PAQR4: variants seen among roughly 807,000 people sequenced by gnomAD.
PAQR4 encodes the protein progestin and adipoQ receptor family member IV.
In PAQR4, 26 loss-of-function variants were observed where a neutral mutation model predicts 20.9. That is an observed-to-expected ratio of 1.24 (90% CI 0.91 to 1.73). The LOEUF (loss-of-function observed/expected upper bound fraction) is 1.73. Among genes scored for constraint, PAQR4 ranks in the 40% most tolerant of loss-of-function variants. The pLI, the probability that PAQR4 is intolerant of heterozygous loss-of-function variation, is 0.00. For synonymous variants in PAQR4, 193 were observed against 171.6 expected (o/e 1.12, Z -0.97); for missense variants, 400 against 380.1 (o/e 1.05, Z -0.44).
Position 2,971,215 on chromosome 16 carries a change from G to A in PAQR4, c.225G>A (p.Leu75=), listed in dbSNP as rs1170543553. 22 of 1,613,252 alleles carry A rather than the reference G, an allele frequency of 1.4e-5. No homozygotes were observed. The South Asian group carries it at 1.8e-4, about 13-fold the overall frequency. ...LVPMTMPWGQ[L]GKDGWLGGTH... Reference sequence around the variant, plus strand: ...CAATGACCATGCCCTGGGGTCAGCTGGGCAAGGATGGCTGGCTGGGAGGCA... The same window carrying A: ...CAATGACCATGCCCTGGGGTCAGCTAGGCAAGGATGGCTGGCTGGGAGGCA... Residue 75 remains leucine, a synonymous_variant, in exon 2 of 3, where the codon CTG becomes CTA. Coordinates refer to ENST00000318782, the MANE Select transcript of PAQR4 (RefSeq NM_152341.5).
Position 2,972,711 on chromosome 16 carries a change from C to T in PAQR4, c.*763C>T, listed in dbSNP as rs891950497. 2.0e-5 allele frequency: 30 copies of T among 1,535,910 alleles called. No homozygotes were observed. The highest frequency in any genetic ancestry group is 1.7e-4 in the Middle Eastern group (1 of 6,006). On this transcript the variant is annotated 3_prime_UTR_variant, in exon 3 of 3. Transcript: ENST00000318782. ...TCAGCTGCTGGCCCAAGGCCAGGAG[C>T]GCTGGGTTCTGCAGCAGGGCTCAGC...
In PAQR4 at chr16:2,973,251, G is replaced by A. The variant is rs2072058742; in HGVS notation, c.*1303G>A. ...GCAGGCGAGACAAGGAGGGTGTCCAGGGCTAGGGAGTGCCGGATGAAACCA... is the reference window on the plus strand; with the variant it reads ...GCAGGCGAGACAAGGAGGGTGTCCAAGGCTAGGGAGTGCCGGATGAAACCA... On this transcript the variant is annotated 3_prime_UTR_variant, in exon 3 of 3. Transcript: ENST00000318782. 1 of 1,482,288 alleles carries A rather than the reference G, an allele frequency of 6.7e-7. No individual in the cohort carries two copies. Among genetic ancestry groups the A allele is most frequent in the Admixed American group, 2.5e-5 (1 of 39,810 alleles). The allele number at this position is 1,482,288 out of a possible 1,614,324, so 91.8% of individuals were successfully genotyped here.
chr16:2,971,645 G>T lies in PAQR4; in HGVS notation c.519G>T (p.Arg173=), dbSNP rs1421619601. 6.2e-7 allele frequency: 1 copy of T among 1,609,198 alleles called. No homozygotes were observed. Among genetic ancestry groups the T allele is most frequent in the Non-Finnish European group, 8.5e-7 (1 of 1,179,880 alleles). Residue 173 remains arginine (R), a synonymous_variant, in exon 3 of 3, where the codon CGG becomes CGT. Coordinates refer to ENST00000318782, the MANE Select transcript of PAQR4 (RefSeq NM_152341.5). The part of the protein sequence containing the change: ...RALTAPSTSA[R]LRAFGWQAAA... ...TCACCGCCCCCTCCACCAGTGCTCGGCTCCGGGCATTTGGATGGCAGGCTG... is the reference window on the plus strand; with the variant it reads ...TCACCGCCCCCTCCACCAGTGCTCGTCTCCGGGCATTTGGATGGCAGGCTG...
chr16:2,970,820 G>T (rs1007331862), intron 1 of PAQR4, among the ~76,000 whole-genome samples: 12 of 152,250 alleles, frequency 7.9e-5, no homozygotes, highest in Non-Finnish European at 7.3e-5. Flanking sequence ...CTGCTTGTAT[G>T]GGGAGAGCAG....
Position 2,971,678 on chromosome 16 carries a change from C to T in PAQR4, c.552C>T (p.Arg184=). The change falls in exon 3 of 3, where the codon CGC becomes CGT. Residue 184 remains arginine, a synonymous_variant. Coordinates refer to ENST00000318782, the MANE Select transcript of PAQR4 (RefSeq NM_152341.5). ...CATTTGGATGGCAGGCTGCTGCCCG[C>T]CTACTGGTATTTGGGGCCCGGGGAG... is the stretch of plus-strand genomic sequence containing the variant. ...LRAFGWQAAA[R]LLVFGARGVG... 2 of 1,611,840 alleles carry T rather than the reference C, an allele frequency of 1.2e-6. No homozygotes were observed. The highest frequency in any genetic ancestry group is 1.7e-6 in the Non-Finnish European group (2 of 1,179,864).
In PAQR4 at chr16:2,972,846, C is replaced by G. The variant is rs372084213; in HGVS notation, c.*898C>G. 7 of 1,532,324 alleles carry G rather than the reference C, an allele frequency of 4.6e-6. No individual in the cohort carries two copies. Among genetic ancestry groups the G allele is most frequent in the Non-Finnish European group, 6.2e-6 (7 of 1,133,958 alleles). 94.9% of individuals were successfully genotyped at this position (1,532,324 alleles called of 1,614,324 possible). ...AGGTTCAAATACTTTTTATTAGACA[C>G]GGCCAGGCAGAGAAGACCATGGGAG... On this transcript the variant is annotated 3_prime_UTR_variant, in exon 3 of 3. Coordinates refer to ENST00000318782, the MANE Select transcript of PAQR4 (RefSeq NM_152341.5).
rs929846559 is a variant in PAQR4, at chr16:2,972,780, G to A, written c.*832G>A. On this transcript the variant is annotated 3_prime_UTR_variant, in exon 3 of 3. Coordinates refer to ENST00000318782, the MANE Select transcript of PAQR4 (RefSeq NM_152341.5). ...CTGGATGACATCAATAAAGGGACAGGAAGGGCCATGTTGCCACATGAGCAA... is the reference window on the plus strand; with the variant it reads ...CTGGATGACATCAATAAAGGGACAGAAAGGGCCATGTTGCCACATGAGCAA... 1.3e-5 allele frequency: 20 copies of A among 1,540,310 alleles called. No homozygotes were observed. The highest frequency in any genetic ancestry group is 2.0e-5 in the Admixed American group (1 of 50,794).
Position 2,972,711 on chromosome 16 carries a change from C to A in PAQR4, c.*763C>A. 1 of 1,536,028 alleles carries A rather than the reference C, an allele frequency of 6.5e-7. No homozygotes were observed. The highest frequency in any genetic ancestry group is 8.7e-7 in the Non-Finnish European group (1 of 1,146,848). ...TCAGCTGCTGGCCCAAGGCCAGGAG[C>A]GCTGGGTTCTGCAGCAGGGCTCAGC... On this transcript the variant is annotated 3_prime_UTR_variant, in exon 3 of 3. Coordinates refer to ENST00000318782, the MANE Select transcript of PAQR4 (RefSeq NM_152341.5).
chr16:2,971,366 G>T lies in PAQR4; in HGVS notation c.376G>T (p.Val126Phe). ...CCTGGACATGTGTGGGGTCTGCCTTGTCAACACCCTTGGTGAGTCAGGGCC... is the reference window on the plus strand; with the variant it reads ...CCTGGACATGTGTGGGGTCTGCCTTTTCAACACCCTTGGTGAGTCAGGGCC... ...LALDMCGVCL[V>F]NTLGALPIIH... is the part of the protein sequence containing the mutation. Residue 126 changes from valine (V) to phenylalanine (F), a missense_variant, in exon 2 of 3, where the codon GTC becomes TTC. Transcript: ENST00000318782. The T allele has an allele frequency of 3.7e-6, 6 of 1,609,352 alleles. No individual in the cohort carries two copies. Among genetic ancestry groups the T allele is most frequent in the Non-Finnish European group, 5.1e-6 (6 of 1,179,904 alleles).
In PAQR4 at chr16:2,972,048, G is replaced by A; in HGVS notation, c.*100G>A. ...GGGGCTGGCTCCTTGGATGCTTCCAGCTCATGAGATGTCTCAGCAGGAGCC... is the reference window on the plus strand; with the variant it reads ...GGGGCTGGCTCCTTGGATGCTTCCAACTCATGAGATGTCTCAGCAGGAGCC... On this transcript the variant is annotated 3_prime_UTR_variant, in exon 3 of 3. Transcript: ENST00000318782. 1 of 1,197,456 alleles carries A rather than the reference G, an allele frequency of 8.4e-7. No homozygotes were observed. Among genetic ancestry groups the A allele is most frequent in the Non-Finnish European group, 1.1e-6 (1 of 878,642 alleles). The allele number at this position is 1,197,456 out of a possible 1,614,324, so 74.2% of individuals were successfully genotyped here. A position where few individuals can be genotyped will look rare whatever the true frequency, so the allele number is the denominator to read the frequency against.
intron 1 of PAQR4, chr16:2,970,123 C>T (rs1001471825): frequency 3.8e-5 from 15 of 399,716 alleles, no homozygotes; most frequent in Non-Finnish European, 6.3e-5. Context: ...TGTCCGGCCT[C>T]TGTAATCCCA....
In PAQR4 at chr16:2,972,803, C is replaced by A; in HGVS notation, c.*855C>A. The A allele has an allele frequency of 6.5e-7, 1 of 1,540,016 alleles. No individual in the cohort carries two copies. Among genetic ancestry groups the A allele is most frequent in the Non-Finnish European group, 8.8e-7 (1 of 1,141,790 alleles). Reference sequence around the variant, plus strand: ...AGGAAGGGCCATGTTGCCACATGAGCAAGCTTGGGTGCTCCCAAGGTTCAA... The same window carrying A: ...AGGAAGGGCCATGTTGCCACATGAGAAAGCTTGGGTGCTCCCAAGGTTCAA... On this transcript the variant is annotated 3_prime_UTR_variant, in exon 3 of 3. Transcript: ENST00000318782.
At position 2,971,181 on chromosome 16, in the gene PAQR4, T is replaced by C; in HGVS notation, c.191T>C (p.Val64Ala). 6.2e-7 allele frequency: 1 copy of C among 1,613,392 alleles called. No homozygotes were observed. Among genetic ancestry groups the C allele is most frequent in the Non-Finnish European group, 8.5e-7 (1 of 1,179,984 alleles). ...GGGCTGGCCCTGCTGGGCTTCCTGG[T>C]GCTGGTGCCAATGACCATGCCCTGG... ...THGLALLGFL[V>A]LVPMTMPWGQ... Residue 64 changes from valine (V) to alanine (A), a missense_variant, in exon 2 of 3, where the codon GTG (valine) becomes GCG (alanine). Transcript: ENST00000318782.
rs974140765 is a variant in PAQR4 at position 2,972,992 on chromosome 16, G to A, written c.*1044G>A. 22 of 1,610,534 alleles carry A rather than the reference G, an allele frequency of 1.4e-5. No homozygotes were observed. The highest frequency in any genetic ancestry group is 1.8e-5 in the Non-Finnish European group (21 of 1,179,260). On this transcript the variant is annotated 3_prime_UTR_variant, in exon 3 of 3. Coordinates refer to ENST00000318782, the MANE Select transcript of PAQR4 (RefSeq NM_152341.5). ...GGGTGTCCTCAAACAGGCTGAGGAGGTTCCGAGGCTCAAAGGAGGGGAAGG... is the reference window on the plus strand; with the variant it reads ...GGGTGTCCTCAAACAGGCTGAGGAGATTCCGAGGCTCAAAGGAGGGGAAGG...
intron 1 of PAQR4, 62 bp downstream of exon 1, chr16:2,969,902 G>T: frequency 6.3e-7 from 1 of 1,591,400 alleles, no homozygotes; most frequent in Non-Finnish European, 8.5e-7. Context: ...GTTGGGCCGG[G>T]GGCACTGAGG....
chr16:2,973,059 G>A lies in PAQR4; in HGVS notation c.*1111G>A, dbSNP rs1346776313. ...TGAGTTGATGTCACTTAGGTCCAGG[G>A]CATCCCTGGGAGGAGAGAGTAGTGA... is the stretch of plus-strand genomic sequence containing the variant. On this transcript the variant is annotated 3_prime_UTR_variant, in exon 3 of 3. Coordinates refer to ENST00000318782, the MANE Select transcript of PAQR4 (RefSeq NM_152341.5). The A allele has an allele frequency of 6.2e-7, 1 of 1,602,064 alleles. No individual in the cohort carries two copies. The highest frequency in any genetic ancestry group is 8.5e-7 in the Non-Finnish European group (1 of 1,175,402).
chr16:2,970,549 T>C (rs1414467583), intron 1 of PAQR4, among the ~76,000 whole-genome samples: 5 of 152,030 alleles, frequency 3.3e-5, no homozygotes, highest in Non-Finnish European at 7.4e-5. Flanking sequence ...GGAATCAAAC[T>C]CCCCAGGGAG....
At position 2,973,307 on chromosome 16, in the gene PAQR4, G is replaced by A. The variant is rs896804714; in HGVS notation, c.*1359G>A. 1.6e-5 allele frequency: 24 copies of A among 1,508,584 alleles called. No individual in the cohort carries two copies. The highest frequency in any genetic ancestry group is 1.5e-4 in the African/African-American group (11 of 71,096). 93.4% of individuals were successfully genotyped at this position (1,508,584 alleles called of 1,614,324 possible). On this transcript the variant is annotated 3_prime_UTR_variant, in exon 3 of 3. Transcript: ENST00000318782. ...GTCCCTGTGCAGGCTCCAGGCTCCC[G>A]CCTGACAAACAGGCAGGGAGCCACA...
At position 2,971,882 on chromosome 16, in the gene PAQR4, G is replaced by T; in HGVS notation, c.756G>T (p.Leu252=). The T allele has an allele frequency of 6.2e-7, 1 of 1,610,264 alleles. No individual in the cohort carries two copies. ...ACCTGCTGAGCGTGGGCTCCATCCT[G>T]CAGCTGCACGCCGGCGTCGTGCCCG... is the stretch of plus-strand genomic sequence containing the variant. ...IMHLLSVGSI[L]QLHAGVVPDL... The change falls in exon 3 of 3, where the codon CTG becomes CTT. Residue 252 remains leucine (L), a synonymous_variant. Transcript: ENST00000318782.
Sources: gnomAD v4.1 joint callset for allele counts (sites outside exome capture counted in the v4.1 genomes callset) on GRCh38, gnomAD v4.1.1 for gene constraint, MANE v1.5 for transcripts, NCBI Gene and HGNC (gene_info 2026-07-23, HGNC 2026-07-21) for gene names.